GRHL2: variants seen among roughly 807,000 people sequenced by gnomAD.
GRHL2 encodes grainyhead like transcription factor 2.
A neutral mutation model predicts 83.8 loss-of-function variants in GRHL2; 21 were observed. That is an observed-to-expected ratio of 0.25 (90% CI 0.18 to 0.36). The LOEUF (loss-of-function observed/expected upper bound fraction) is 0.36. Among genes scored for constraint, GRHL2 ranks in the 10% least tolerant of loss-of-function variants. The pLI, the probability that GRHL2 is intolerant of heterozygous loss-of-function variation, is 1.00. For synonymous variants in GRHL2, 280 were observed against 278.9 expected, an observed-to-expected ratio of 1.00 and a Z score of -0.04; for missense variants, 623 against 781.8, an observed-to-expected ratio of 0.80 and a Z score of 2.42.
intron 1 of GRHL2, among the ~76,000 whole-genome samples, chr8:101,539,037 T>C (rs1811100089): frequency 6.6e-6 from 1 of 152,196 alleles, no homozygotes; most frequent in Admixed American, 6.5e-5. Flanking sequence ...CTAGGAAAGA[T>C]GAAATCAGCA....
chr8:101,657,057 G>A (rs1479791818), intron 14 of GRHL2, among the ~76,000 whole-genome samples: 1 of 152,174 alleles, frequency 6.6e-6, no homozygotes, highest in Non-Finnish European at 1.5e-5. Context: ...GTAGCACCCA[G>A]TTTTTGTCCA....
intron 13 of GRHL2, among the ~76,000 whole-genome samples, chr8:101,646,304 A>C (rs4317540): frequency 0.37 from 56,109 of 152,074 alleles, 11,773 homozygotes; most frequent in African/African-American, 0.58. Context: ...ACACAGGCGA[A>C]ACTAATTATG....
At chr8:101,498,051 G>A (rs1271161761) in intron 1 of GRHL2, among the ~76,000 whole-genome samples, 1 of 152,192 alleles carries the variant, frequency 6.6e-6, no homozygotes, top group Non-Finnish European at 1.5e-5. Context: ...CAAAGGTCTA[G>A]CTAGGGTTTC....
At chr8:101,577,119 C>T (rs1414655333) in intron 6 of GRHL2, among the ~76,000 whole-genome samples, 1 of 151,798 alleles carries the variant, frequency 6.6e-6, no homozygotes, top group Non-Finnish European at 1.5e-5. Context: ...CAAAATAATA[C>T]ATTTGCTGCT....
chr8:101,523,248 T>A (rs1400700199), intron 1 of GRHL2, among the ~76,000 whole-genome samples: 1 of 151,790 alleles, frequency 6.6e-6, no homozygotes. Context: ...AAAGGGGATT[T>A]TTTTTTTTTC....
intron 8 of GRHL2, among the ~76,000 whole-genome samples, chr8:101,614,035 T>A (rs1812806343): frequency 6.6e-6 from 1 of 151,100 alleles, no homozygotes; most frequent in African/African-American, 2.5e-5. Flanking sequence ...TTTATTTTAA[T>A]GGAAAGCTCT....
chr8:101,528,906 T>C (rs1586423025), intron 1 of GRHL2: 1 of 312,260 alleles, frequency 3.2e-6, no homozygotes, highest in South Asian at 2.9e-5. Context: ...TTGTTGAAAC[T>C]GAAGAAGTCC....
intron 1 of GRHL2, among the ~76,000 whole-genome samples, chr8:101,498,858 G>C (rs919860405): frequency 6.6e-6 from 1 of 152,038 alleles, no homozygotes; most frequent in Non-Finnish European, 1.5e-5. Flanking sequence ...GGCGGATCAC[G>C]AGGTCAGGAG....
At chr8:101,678,629 G>C in the GRHL2 span, among the ~76,000 whole-genome samples, 54 of 151,048 alleles carry the variant, frequency 3.6e-4, no homozygotes, top group African/African-American at 1.3e-3. Context: ...TCTGGGGGCA[G>C]GGCACAGACA....
At chr8:101,634,855 T>C (rs1055809652) in intron 11 of GRHL2, among the ~76,000 whole-genome samples, 2 of 152,110 alleles carry the variant, frequency 1.3e-5, no homozygotes, top group Non-Finnish European at 2.9e-5. Flanking sequence ...TTATCAAAAC[T>C]AGTATGAAGG....
rs1814005138 is a variant in GRHL2 at position 101,664,612 on chromosome 8, G to C, written c.1763+94G>C. The C allele has an allele frequency of 3.4e-6, 3 of 885,096 alleles. No homozygotes were observed. The East Asian group carries it at 7.7e-5, about 23-fold the overall frequency. 54.8% of individuals were successfully genotyped at this position (885,096 alleles called of 1,614,324 possible). The stretch of plus-strand genomic sequence containing the variant: ...ATGATGCCTGTCTTTTGTTAGGTCT[G>C]TTGCCCACTTTTCATAAAAATTGTG... On this transcript the variant is annotated intron_variant, in intron 15 of 15. Coordinates refer to ENST00000646743, the MANE Select transcript of GRHL2 (RefSeq NM_024915.4).
intron 1 of GRHL2, among the ~76,000 whole-genome samples, chr8:101,538,064 G>A (rs1811081946): frequency 6.6e-6 from 1 of 152,202 alleles, no homozygotes; most frequent in Non-Finnish European, 1.5e-5. Context: ...TTAGAACGGG[G>A]TTTCCCATGA....
rs1491361262 is a variant in GRHL2, at chr8:101,652,532, GGTGT to G, written c.1698+3045_1698+3048del. On this transcript the variant is annotated intron_variant, in intron 14 of 15. Transcript: ENST00000646743. ...TGTGGTGTGTGTGTGGTGTGTGTGT[GGTGT>G]GTGTGTGTGTGGTGTGTATGTGTGG... Among the ~76,000 whole-genome samples, 26 of 79,692 alleles carry G rather than the reference GGTGT, an allele frequency of 3.3e-4. 1 individual carries two copies. The South Asian group carries it at 3.8e-3, about 12-fold the overall frequency. 52.3% of individuals were successfully genotyped at this position (79,692 alleles called of 152,430 possible). A position where few individuals can be genotyped will look rare whatever the true frequency, so the allele number is the denominator to read the frequency against.
Position 101,558,639 on chromosome 8 carries a change from G to GC in GRHL2, c.509dup (p.Pro171ThrfsTer18), listed in dbSNP as rs774062911. ...TGAAGATTTCACACCAGTTTTCATG[G>GC]CCCCACCTGTGCACTATCCCCGGGG... is the stretch of plus-strand genomic sequence containing the variant. On this transcript the variant is annotated frameshift_variant, in exon 4 of 16. Transcript: ENST00000646743. LOFTEE classifies it high-confidence loss of function. 6.2e-7 allele frequency: 1 copy of GC among 1,614,100 alleles called. No homozygotes were observed. The highest frequency in any genetic ancestry group is 8.5e-7 in the Non-Finnish European group (1 of 1,180,004).
chr8:101,651,045 A>G (rs889788211), intron 14 of GRHL2, among the ~76,000 whole-genome samples: 5 of 152,166 alleles, frequency 3.3e-5, no homozygotes. Context: ...CCTCACATTA[A>G]GGAAAAACAA....
intron 4 of GRHL2, among the ~76,000 whole-genome samples, chr8:101,563,665 T>A (rs1039277391): frequency 6.6e-6 from 1 of 152,248 alleles, no homozygotes; most frequent in Admixed American, 6.5e-5. Context: ...AAATTATCTT[T>A]CTTAGCTTCC....
intron 7 of GRHL2, among the ~76,000 whole-genome samples, chr8:101,579,208 A>G (rs887694798): frequency 1.3e-5 from 2 of 152,244 alleles, no homozygotes; most frequent in Non-Finnish European, 2.9e-5. Flanking sequence ...AGTTAGCCTT[A>G]TAATTATTAC....
intron 7 of GRHL2, among the ~76,000 whole-genome samples, chr8:101,594,069 C>T (rs1586128222): frequency 2.0e-5 from 1 of 49,082 alleles, no homozygotes; most frequent in African/African-American, 8.7e-5. Context: ...GAGTCTGTAT[C>T]AAAAAAAAAA....
intron 12 of GRHL2, among the ~76,000 whole-genome samples, chr8:101,638,253 G>A (rs1813328852): frequency 6.6e-6 from 1 of 152,160 alleles, no homozygotes; most frequent in African/African-American, 2.4e-5. Flanking sequence ...AGCAGATATT[G>A]CTGAGTTTAT....
Sources: gnomAD v4.1 joint callset for allele counts (sites outside exome capture counted in the v4.1 genomes callset) on GRCh38, gnomAD v4.1.1 for gene constraint, MANE v1.5 for transcripts, NCBI Gene and HGNC (gene_info 2026-07-23, HGNC 2026-07-21) for gene names.